The following IGSF5 variants were observed in gnomAD, a reference collection of about 807,000 sequenced individuals.
IGSF5 encodes immunoglobulin superfamily 5 like.
IGSF5 carries 41 observed loss-of-function variants against 39.4 expected under a neutral mutation model. That is an observed-to-expected ratio of 1.04 (90% CI 0.81 to 1.35). The LOEUF is 1.35. IGSF5 is among the 40% of genes most tolerant of loss of function. IGSF5 has a pLI of 0.00. For synonymous variants in IGSF5, 183 were observed against 175.3 expected, an observed-to-expected ratio of 1.04 and a Z score of -0.34; for missense variants, 487 against 494.6, an observed-to-expected ratio of 0.98 and a Z score of 0.15.
the IGSF5 span, among the ~76,000 whole-genome samples, chr21:39,718,970 T>C: frequency 5.3e-4 from 81 of 152,320 alleles, 1 homozygote; most frequent in Non-Finnish European, 2.2e-4. Context: ...TCTGAATTCA[T>C]CACATCCTGG....
intron 6 of IGSF5, among the ~76,000 whole-genome samples, chr21:39,791,336 T>G (rs1041753419): frequency 7.9e-5 from 12 of 152,340 alleles, no homozygotes; most frequent in Non-Finnish European, 2.9e-5. Context: ...TCAACATTCT[T>G]TCAAGTACAT....
the IGSF5 span, among the ~76,000 whole-genome samples, chr21:39,717,241 A>G: frequency 6.6e-6 from 1 of 152,206 alleles, no homozygotes; most frequent in Admixed American, 6.5e-5. Flanking sequence ...GCTGGATATT[A>G]GACCTTTGTC....
At chr21:39,799,259 T>G (rs1426182679) in intron 8 of IGSF5, among the ~76,000 whole-genome samples, 1 of 152,182 alleles carries the variant, frequency 6.6e-6, no homozygotes, top group African/African-American at 2.4e-5. Context: ...AATTCTCTAT[T>G]CCGGTTTTCC....
the IGSF5 span, among the ~76,000 whole-genome samples, chr21:39,716,019 AAT>A: frequency 6.6e-6 from 1 of 152,228 alleles, no homozygotes. Flanking sequence ...AAACCATTTC[AAT>A]CCACACTGAT....
intron 6 of IGSF5, among the ~76,000 whole-genome samples, chr21:39,789,748 CTATG>C (rs1208400284): frequency 2.0e-5 from 3 of 152,116 alleles, no homozygotes; most frequent in African/African-American, 7.2e-5. Flanking sequence ...TGTTAACTAA[CTATG>C]TATGTACCTA....
At chr21:39,744,234 G>T (rs1388464880), upstream of IGSF5, among the ~76,000 whole-genome samples, 1 of 152,130 alleles carries the variant, frequency 6.6e-6, no homozygotes, top group Middle Eastern at 3.2e-3. Context: ...CATTGCCTTT[G>T]CGCTCAGGAG....
At chr21:39,718,428 A>T in the IGSF5 span, among the ~76,000 whole-genome samples, 4 of 151,974 alleles carry the variant, frequency 2.6e-5, no homozygotes, top group Admixed American at 6.6e-5. Context: ...TCTTGTGCTG[A>T]TTTTCAAGGG....
intron 8 of IGSF5, among the ~76,000 whole-genome samples, chr21:39,800,452 C>A (rs1033424761): frequency 4.6e-5 from 7 of 152,256 alleles, no homozygotes; most frequent in African/African-American, 1.7e-4. Context: ...CAGTAGGAAT[C>A]TCTAGCATAT....
chr21:39,785,837 C>T (rs2080197840), intron 5 of IGSF5, among the ~76,000 whole-genome samples: 1 of 152,082 alleles, frequency 6.6e-6, no homozygotes, highest in Non-Finnish European at 1.5e-5. Flanking sequence ...TGGGAGTTCA[C>T]TCATGATTTG....
the IGSF5 span, among the ~76,000 whole-genome samples, chr21:39,713,582 C>T: frequency 6.6e-6 from 1 of 152,168 alleles, no homozygotes; most frequent in South Asian, 2.1e-4. Context: ...ACACTTGCAC[C>T]TCAGCCTGGA....
chr21:39,734,870 C>CT, the IGSF5 span, among the ~76,000 whole-genome samples: 289 of 147,048 alleles, frequency 2.0e-3, no homozygotes, highest in African/African-American at 5.8e-3. Context: ...AAAATATAAT[C>CT]TTTTTTTTTT....
intron 5 of IGSF5, among the ~76,000 whole-genome samples, chr21:39,786,775 GCCATAAAAAATGGTGAGTTCATGT>G (rs1419999277): frequency 6.6e-6 from 1 of 152,220 alleles, no homozygotes; most frequent in Non-Finnish European, 1.5e-5. Flanking sequence ...ATACTATGCA[GCCATAAAAAATGGTGAGTTCATGT>G]CCTTTGTAGG....
At chr21:39,784,970 CTT>C (rs59416564) in intron 5 of IGSF5, among the ~76,000 whole-genome samples, 2 of 138,874 alleles carry the variant, frequency 1.4e-5, no homozygotes, top group African/African-American at 5.2e-5. Context: ...AGGCTCCTTT[CTT>C]TTTTTTTTTT....
At chr21:39,721,725 T>C in the IGSF5 span, among the ~76,000 whole-genome samples, 1 of 144,684 alleles carries the variant, frequency 6.9e-6, no homozygotes, top group African/African-American at 2.7e-5. Flanking sequence ...CTTCCTTCCT[T>C]CCACCCACCC....
intron 6 of IGSF5, among the ~76,000 whole-genome samples, chr21:39,789,634 A>C (rs561670970): frequency 2.4e-4 from 36 of 152,272 alleles, no homozygotes; most frequent in Middle Eastern, 3.4e-3. Context: ...TTATTATGGA[A>C]AAAAATCAAT....
chr21:39,786,485 T>A (rs1385603645), intron 5 of IGSF5, among the ~76,000 whole-genome samples: 1 of 146,292 alleles, frequency 6.8e-6, no homozygotes, highest in Non-Finnish European at 1.5e-5. Context: ...TGTGGAGAAA[T>A]AGGAACACTT....
At chr21:39,771,878 C>T (rs1383729631) in intron 4 of IGSF5, among the ~76,000 whole-genome samples, 1 of 152,176 alleles carries the variant, frequency 6.6e-6, no homozygotes, top group Admixed American at 6.5e-5. Context: ...TGGAGATTGA[C>T]TTTAACTTAA....
the IGSF5 span, among the ~76,000 whole-genome samples, chr21:39,735,952 C>T: frequency 6.6e-6 from 1 of 152,200 alleles, no homozygotes; most frequent in African/African-American, 2.4e-5. Context: ...TTACAATTTT[C>T]CTGATGTTCC....
chr21:39,766,485 G>A (rs1225362240), intron 3 of IGSF5, among the ~76,000 whole-genome samples: 1 of 152,024 alleles, frequency 6.6e-6, no homozygotes, highest in Non-Finnish European at 1.5e-5. Flanking sequence ...CCTCTTTCCA[G>A]CAGAATCCCC....
Sources: gnomAD v4.1 joint callset for allele counts (sites outside exome capture counted in the v4.1 genomes callset) on GRCh38, gnomAD v4.1.1 for gene constraint, MANE v1.5 for transcripts, NCBI Gene and HGNC (gene_info 2026-07-23, HGNC 2026-07-21) for gene names.